Variants in C1orf21 observed in about 807,000 individuals in gnomAD.
The protein encoded by C1orf21 is uncharacterized protein C1orf21.
C1orf21 carries 3 observed loss-of-function variants against 18.7 expected under a neutral mutation model. The observed-to-expected ratio is 0.16, with a 90% CI of 0.07 to 0.42. The LOEUF (loss-of-function observed/expected upper bound fraction) is 0.42. Ranked by LOEUF, C1orf21 falls within the 10% of genes least tolerant of loss-of-function variation. C1orf21 has a pLI of 0.99. For synonymous variants in C1orf21, 41 were observed against 46.4 expected (o/e 0.88, Z 0.47); for missense variants, 104 against 143.6 (o/e 0.72, Z 1.41).
chr1:184,575,631 A>AG (rs1491483761), intron 3 of C1orf21, among the ~76,000 whole-genome samples: 3 of 119,900 alleles, frequency 2.5e-5, no homozygotes, highest in Non-Finnish European at 5.4e-5. Context: ...AAAAAAAAAA[A>AG]GAAGAACTTT....
chr1:184,459,595 A>T (rs1204363673), intron 1 of C1orf21, among the ~76,000 whole-genome samples: 1 of 152,148 alleles, frequency 6.6e-6, no homozygotes, highest in Non-Finnish European at 1.5e-5. Context: ...CATCTCTTAC[A>T]GTTTTATGAT....
chr1:184,548,406 ACT>A (rs1474373319), intron 3 of C1orf21, among the ~76,000 whole-genome samples: 1 of 128,926 alleles, frequency 7.8e-6, no homozygotes, highest in Non-Finnish European at 1.6e-5. Flanking sequence ...CCCATTGCAG[ACT>A]CTTTTTTTTT....
At chr1:184,589,505 A>G (rs142834215) in intron 3 of C1orf21, among the ~76,000 whole-genome samples, 1,628 of 152,294 alleles carry the variant, frequency 0.011, 34 homozygotes, top group African/African-American at 0.037. Context: ...TTTGTAAAAG[A>G]TTAGGAGTGT....
chr1:184,497,312 G>T (rs568227683), intron 2 of C1orf21, among the ~76,000 whole-genome samples: 14 of 152,270 alleles, frequency 9.2e-5, no homozygotes, highest in African/African-American at 3.1e-4. Context: ...GCTATTCTTT[G>T]TTGTTGTCAG....
intron 3 of C1orf21, 132 bp from the exon 4 acceptor site, chr1:184,590,607 T>C (rs1329074657): frequency 1.3e-6 from 1 of 760,078 alleles, no homozygotes; most frequent in Non-Finnish European, 2.2e-6. Flanking sequence ...CAAGGACTTT[T>C]GCCCTTGTGA....
chr1:184,457,532 A>T lies in C1orf21; in HGVS notation c.-124-19854A>T, dbSNP rs563459102. 5.9e-5 allele frequency among the ~76,000 whole-genome samples: 9 copies of T among 152,258 alleles called. No homozygotes were observed. The South Asian group carries it at 1.7e-3, about 28-fold the overall frequency. Reference sequence around the variant, plus strand: ...AAGCAGAATAAGTCTACCGCAGGCAATCTGACCTCTTTGTGATCATTCACA... The same window carrying T: ...AAGCAGAATAAGTCTACCGCAGGCATTCTGACCTCTTTGTGATCATTCACA... On this transcript the variant is annotated intron_variant, in intron 1 of 5. Coordinates refer to ENST00000235307, the MANE Select transcript of C1orf21 (RefSeq NM_030806.4).
rs1250425902 is a variant in C1orf21 at position 184,439,029 on chromosome 1, G to A, written c.-124-38357G>A. ...AGTTCGAGACCAGCCTGGCCAACGCGGTGAAAACCCATTTCTACTAAAAAT... is the reference window on the plus strand; with the variant it reads ...AGTTCGAGACCAGCCTGGCCAACGCAGTGAAAACCCATTTCTACTAAAAAT... On this transcript the variant is annotated intron_variant, in intron 1 of 5. Coordinates refer to ENST00000235307, the MANE Select transcript of C1orf21 (RefSeq NM_030806.4). 3.9e-5 allele frequency among the ~76,000 whole-genome samples: 6 copies of A among 152,132 alleles called. No homozygotes were observed. In the East Asian group the frequency reaches 9.7e-4, roughly 25 times the overall value.
At chr1:184,444,857 C>T (rs554982888) in intron 1 of C1orf21, among the ~76,000 whole-genome samples, 1 of 152,116 alleles carries the variant, frequency 6.6e-6, no homozygotes, top group African/African-American at 2.4e-5. Flanking sequence ...GGTACATGGT[C>T]TTCTATCTAG....
At chr1:184,429,594 G>A (rs1656702017) in intron 1 of C1orf21, among the ~76,000 whole-genome samples, 1 of 152,256 alleles carries the variant, frequency 6.6e-6, no homozygotes, top group South Asian at 2.1e-4. Context: ...ATTTTGGTGT[G>A]AGGGCAACTC....
intron 5 of C1orf21, among the ~76,000 whole-genome samples, chr1:184,599,154 G>A (rs190686939): frequency 3.8e-4 from 58 of 152,078 alleles, no homozygotes; most frequent in African/African-American, 1.3e-3. Context: ...TCTTCAAAGG[G>A]GTGAATCTTA....
At chr1:184,580,609 T>C (rs1659262287) in intron 3 of C1orf21, among the ~76,000 whole-genome samples, 1 of 152,254 alleles carries the variant, frequency 6.6e-6, no homozygotes, top group South Asian at 2.1e-4. Flanking sequence ...AATTATCCAC[T>C]TGTAACCTGC....
intron 1 of C1orf21, among the ~76,000 whole-genome samples, chr1:184,460,432 T>C (rs754618624): frequency 2.0e-4 from 31 of 152,264 alleles, no homozygotes; most frequent in Non-Finnish European, 4.0e-4. Flanking sequence ...ATAAATAGCA[T>C]TGAACATCCA....
At chr1:184,521,027 G>T (rs180778541) in intron 3 of C1orf21, among the ~76,000 whole-genome samples, 2 of 152,092 alleles carry the variant, frequency 1.3e-5, no homozygotes, top group African/African-American at 4.8e-5. Flanking sequence ...CCGAGTAGCT[G>T]GGATTACAGG....
rs1656329395 is a variant in C1orf21, at chr1:184,410,648, T to TATAATATATATATATAATATATATATA, written c.-125+23283_-125+23284insATATATATATATAATATATATATAATA. On this transcript the variant is annotated intron_variant, in intron 1 of 5. Transcript: ENST00000235307. ...ATATATATATATATATATATATATA[T>TATAATATATATATATAATATATATATA]ATATATATATATATATTTTTTTTTT... is the stretch of plus-strand genomic sequence containing the variant. Among the ~76,000 whole-genome samples the TATAATATATATATATAATATATATATA allele has an allele frequency of 2.9e-4, 2 of 6,996 alleles. 1 individual carries two copies. Among genetic ancestry groups the TATAATATATATATATAATATATATATA allele is most frequent in the African/African-American group, 5.6e-3 (2 of 360 alleles). 4.6% of individuals were successfully genotyped at this position (6,996 alleles called of 152,430 possible).
At chr1:184,457,396 A>G (rs1481431352) in intron 1 of C1orf21, among the ~76,000 whole-genome samples, 3 of 152,216 alleles carry the variant, frequency 2.0e-5, no homozygotes, top group Admixed American at 2.0e-4. Context: ...AAATGCTATG[A>G]GAACCTAAAG....
rs369203416 is a variant in C1orf21, at chr1:184,514,117, C to T, written c.189+6435C>T. Among the ~76,000 whole-genome samples, 3 of 152,208 alleles carry T rather than the reference C, an allele frequency of 2.0e-5. No individual in the cohort carries two copies. In the East Asian group the frequency reaches 5.8e-4, roughly 29 times the overall value. On this transcript the variant is annotated intron_variant, in intron 3 of 5. Transcript: ENST00000235307. Reference sequence around the variant, plus strand: ...TTTGAGGCCAGCCTGGGCAACATAGCGAGACTCTGTCTCTACAAAAATAAA... The same window carrying T: ...TTTGAGGCCAGCCTGGGCAACATAGTGAGACTCTGTCTCTACAAAAATAAA...
chr1:184,518,031 A>G (rs1330650252), intron 3 of C1orf21, among the ~76,000 whole-genome samples: 2 of 152,192 alleles, frequency 1.3e-5, no homozygotes, highest in Non-Finnish European at 2.9e-5. Flanking sequence ...TTGTTGTGGC[A>G]TAGAAGGTAT....
At chr1:184,433,367 A>G (rs1656799932) in intron 1 of C1orf21, among the ~76,000 whole-genome samples, 1 of 152,082 alleles carries the variant, frequency 6.6e-6, no homozygotes, top group South Asian at 2.1e-4. Context: ...CTGGTTTAAA[A>G]CATGTCATGC....
chr1:184,389,357 C>T (rs1655935706), intron 1 of C1orf21, among the ~76,000 whole-genome samples: 1 of 152,122 alleles, frequency 6.6e-6, no homozygotes, highest in Non-Finnish European at 1.5e-5. Flanking sequence ...GTTAAAAGTT[C>T]ATCCTAGAAG....
Sources: allele counts gnomAD v4.1 joint callset (sites outside exome capture counted in the v4.1 genomes callset), GRCh38; gene constraint gnomAD v4.1.1; transcripts MANE v1.5; gene names NCBI Gene and HGNC (gene_info 2026-07-23, HGNC 2026-07-21).